Variants in SULF2 observed in about 807,000 individuals in gnomAD.
The protein encoded by SULF2 is extracellular sulfatase Sulf-2.
In SULF2, 52 loss-of-function variants were observed where a neutral mutation model predicts 107.7. The ratio of observed to expected loss-of-function variants is 0.48; its 90% CI spans 0.39 to 0.61. The LOEUF (loss-of-function observed/expected upper bound fraction) is 0.61, where lower values mean the gene tolerates loss of function less well. Among genes scored for constraint, SULF2 ranks in the 20% least tolerant of loss-of-function variants. The pLI, the probability that SULF2 is intolerant of heterozygous loss-of-function variation, is 0.00. For missense variants in SULF2, 993 were observed against 1,177.3 expected, an observed-to-expected ratio of 0.84 and a Z score of 2.29; for synonymous variants, 460 against 464.3, an observed-to-expected ratio of 0.99 and a Z score of 0.12.
At position 47,665,875 on chromosome 20, in the gene SULF2, C is replaced by T; in HGVS notation, c.1884G>A (p.Lys628=). The part of the protein sequence containing the change: ...YKSLQAWKDH[K]LHIDHEIETL... ...CACTCACCTCGTGGTCGATGTGCAG[C>T]TTGTGGTCTTTCCAGGCCTGCAGGG... The change falls in exon 13 of 21, where the codon AAG becomes AAA. Residue 628 remains lysine (K), a synonymous_variant. Coordinates refer to ENST00000688720, the MANE Select transcript of SULF2 (RefSeq NM_001387048.1). The T allele has an allele frequency of 6.2e-7, 1 of 1,614,020 alleles. No homozygotes were observed. The highest frequency in any genetic ancestry group is 1.3e-5 in the African/African-American group (1 of 75,054).
chr20:47,770,310 C>T (rs111663506), intron 1 of SULF2, among the ~76,000 whole-genome samples: 3 of 152,156 alleles, frequency 2.0e-5, no homozygotes, highest in African/African-American at 7.2e-5. Flanking sequence ...ATCCTCTCAC[C>T]TCAGCCTCCC....
chr20:47,708,409 C>T (rs2088817775), intron 3 of SULF2, among the ~76,000 whole-genome samples: 1 of 152,076 alleles, frequency 6.6e-6, no homozygotes, highest in South Asian at 2.1e-4. Flanking sequence ...GAAGAGGGGA[C>T]AGATCCCATA....
At chr20:47,702,082 G>C (rs1484191069) in intron 4 of SULF2, among the ~76,000 whole-genome samples, 2 of 152,168 alleles carry the variant, frequency 1.3e-5, no homozygotes, top group Non-Finnish European at 2.9e-5. Context: ...TTTAAAGACA[G>C]AGTCTTGCTC....
chr20:47,691,842 A>T (rs1479225841), intron 4 of SULF2, among the ~76,000 whole-genome samples: 1 of 152,206 alleles, frequency 6.6e-6, no homozygotes, highest in Non-Finnish European at 1.5e-5. Context: ...CCAGAACTGG[A>T]GGCTTTAAAA....
intron 1 of SULF2, among the ~76,000 whole-genome samples, chr20:47,757,902 C>T (rs1484757616): frequency 2.0e-5 from 3 of 152,114 alleles, no homozygotes; most frequent in Non-Finnish European, 4.4e-5. Flanking sequence ...AGATGAAGTT[C>T]CAGCTCCCCA....
chr20:47,661,070 T>C (rs2087049373), intron 18 of SULF2, among the ~76,000 whole-genome samples: 1 of 152,150 alleles, frequency 6.6e-6, no homozygotes, highest in South Asian at 2.1e-4. Flanking sequence ...AAACCCTCCA[T>C]TGGCTTCCTG....
At chr20:47,660,845 A>G (rs1011375294) in intron 18 of SULF2, among the ~76,000 whole-genome samples, 1 of 151,988 alleles carries the variant, frequency 6.6e-6, no homozygotes, top group African/African-American at 2.4e-5. Flanking sequence ...TCCTGTCCCA[A>G]ACAAAACTCA....
chr20:47,712,771 C>T (rs780628520), intron 3 of SULF2, among the ~76,000 whole-genome samples: 6 of 152,320 alleles, frequency 3.9e-5, no homozygotes, highest in Non-Finnish European at 7.3e-5. Flanking sequence ...TGGTGGCTCA[C>T]GCCTGTAATC....
chr20:47,716,281 T>C (rs957215447), intron 3 of SULF2, among the ~76,000 whole-genome samples: 4 of 152,240 alleles, frequency 2.6e-5, no homozygotes, highest in African/African-American at 9.6e-5. Context: ...CTGGGCGTGA[T>C]GACTTATGTG....
At chr20:47,758,804 C>T (rs1012663164) in intron 1 of SULF2, among the ~76,000 whole-genome samples, 2 of 152,174 alleles carry the variant, frequency 1.3e-5, no homozygotes, top group African/African-American at 2.4e-5. Context: ...GCAGATGTGC[C>T]GGGAGGAAGC....
At position 47,690,255 on chromosome 20, in the gene SULF2, A is replaced by C. The variant is rs1363652499; in HGVS notation, c.608T>G (p.Phe203Cys). 1.3e-6 allele frequency: 2 copies of C among 1,563,486 alleles called. No homozygotes were observed. The highest frequency in any genetic ancestry group is 1.7e-6 in the Non-Finnish European group (2 of 1,151,416). Residue 203 changes from phenylalanine (F) to cysteine (C), a missense_variant, in exon 5 of 21, where the codon TTC becomes TGC. Transcript: ENST00000688720. ...GTACATCTTCTTGGACGTGCGGAAG[A>C]AGCTCACGCTGTCATTGGTGATGAG... ...TDLITNDSVS[F>C]FRTSKKMYPH...
chr20:47,709,478 C>T (rs904110030), intron 3 of SULF2, among the ~76,000 whole-genome samples: 2 of 152,172 alleles, frequency 1.3e-5, no homozygotes, highest in African/African-American at 2.4e-5. Context: ...ACCAACACTT[C>T]CTTATTTAAG....
rs1216037810 is a variant in SULF2, at chr20:47,680,376, T to TACAG, written c.1065-1576_1065-1573dup. On this transcript the variant is annotated intron_variant, in intron 7 of 20. Coordinates refer to ENST00000688720, the MANE Select transcript of SULF2 (RefSeq NM_001387048.1). The surrounding 1 kb of genome is among the most constrained non-coding windows in gnomAD (Gnocchi z 4.2). ...CCTCAGCCTCCCAAAGTGCTGGGAT[T>TACAG]ACAGGCATGAGCCACCTCTCCTGGC... Among the ~76,000 whole-genome samples, 4 of 152,260 alleles carry TACAG rather than the reference T, an allele frequency of 2.6e-5. No homozygotes were observed. The highest frequency in any genetic ancestry group is 9.6e-5 in the African/African-American group (4 of 41,468).
chr20:47,738,493 T>C (rs999504281), intron 2 of SULF2, among the ~76,000 whole-genome samples: 3 of 152,226 alleles, frequency 2.0e-5, no homozygotes, highest in Non-Finnish European at 2.9e-5. Flanking sequence ...GAGGGTGATA[T>C]GGTTTGGCTG....
chr20:47,716,370 T>C (rs552859671), intron 3 of SULF2, among the ~76,000 whole-genome samples: 52 of 152,216 alleles, frequency 3.4e-4, no homozygotes, highest in African/African-American at 1.2e-3. Context: ...CCGGGTGTGG[T>C]GGCGGGCGCC....
chr20:47,659,849 C>A, intron 18 of SULF2, 119 bp from the exon 19 acceptor site: 1 of 758,248 alleles, frequency 1.3e-6, no homozygotes. Flanking sequence ...TGATAGTGTT[C>A]CCTACTCAGA....
At chr20:47,740,944 T>A (rs1333326800) in intron 2 of SULF2, among the ~76,000 whole-genome samples, 1 of 152,130 alleles carries the variant, frequency 6.6e-6, no homozygotes, top group East Asian at 1.9e-4. Context: ...GGCAATCATC[T>A]TGGCTACGGT....
At chr20:47,708,988 G>A (rs1459153593) in intron 3 of SULF2, among the ~76,000 whole-genome samples, 1 of 152,184 alleles carries the variant, frequency 6.6e-6, no homozygotes, top group Non-Finnish European at 1.5e-5. Context: ...GCTTCAGTCA[G>A]AGGCTTTTAG....
At chr20:47,738,593 G>C (rs1483592056) in intron 2 of SULF2, among the ~76,000 whole-genome samples, 1 of 152,126 alleles carries the variant, frequency 6.6e-6, no homozygotes, top group Non-Finnish European at 1.5e-5. Context: ...TGAATCATGG[G>C]GGTTGTTTCC....
Sources: allele counts gnomAD v4.1 joint callset (sites outside exome capture counted in the v4.1 genomes callset), GRCh38; gene constraint gnomAD v4.1.1; non-coding constraint Gnocchi (gnomAD v3.1); transcripts MANE v1.5; gene names NCBI Gene and HGNC (gene_info 2026-07-23, HGNC 2026-07-21).